The following CNTNAP4 variants were observed in gnomAD, a reference collection of about 807,000 sequenced individuals.
The protein encoded by CNTNAP4 is contactin associated protein family member 4.
CNTNAP4 carries 98 observed loss-of-function variants against 148.4 expected under a neutral mutation model. That is an observed-to-expected ratio of 0.66 (90% CI 0.56 to 0.78). CNTNAP4 has a LOEUF of 0.78. Among genes scored for constraint, CNTNAP4 ranks in the 30% least tolerant of loss-of-function variants. The pLI is 0.00. For missense variants in CNTNAP4, 1,935 were observed against 1,565.6 expected (o/e 1.24, Z -3.98); for synonymous variants, 730 against 565.1 (o/e 1.29, Z -4.14).
chr16:76,532,928 C>T (rs1022265936), intron 17 of CNTNAP4, among the ~76,000 whole-genome samples: 3 of 152,100 alleles, frequency 2.0e-5, no homozygotes, highest in African/African-American at 4.8e-5. Context: ...TCAAGAACGG[C>T]AGGTCCTCAA....
chr16:76,555,320 A>G (rs1321610389), intron 23 of CNTNAP4, among the ~76,000 whole-genome samples: 1 of 152,222 alleles, frequency 6.6e-6, no homozygotes, highest in African/African-American at 2.4e-5. Context: ...TATAAAAAAT[A>G]GGATTCCCAT....
In CNTNAP4 at chr16:76,553,303, G is replaced by T; in HGVS notation, c.3463G>T (p.Asp1155Tyr). ...TCTAGAACACAGTGATGTGGACCAG[G>T]ATACTGCACTGGCAGGTGCGCAGGG... ...RILEHSDVDQ[D>Y]TALAGAQGFT... The change falls in exon 22 of 24, where the codon GAT becomes TAT. Residue 1155 changes from aspartate (D) to tyrosine (Y), a missense_variant. By Grantham distance (160) the Asp-to-Tyr change is radical. Coordinates refer to ENST00000611870, the MANE Select transcript of CNTNAP4 (RefSeq NM_033401.5). 1 of 1,608,200 alleles carries T rather than the reference G, an allele frequency of 6.2e-7. No homozygotes were observed. Among genetic ancestry groups the T allele is most frequent in the Non-Finnish European group, 8.5e-7 (1 of 1,175,156 alleles).
At chr16:76,447,269 G>A (rs1170193974) in intron 4 of CNTNAP4, among the ~76,000 whole-genome samples, 1 of 151,644 alleles carries the variant, frequency 6.6e-6, no homozygotes, top group East Asian at 1.9e-4. Flanking sequence ...AAGATAGTGT[G>A]AGTACCACTG....
intron 2 of CNTNAP4, among the ~76,000 whole-genome samples, chr16:76,320,168 G>A (rs1962253950): frequency 6.6e-6 from 1 of 152,188 alleles, no homozygotes; most frequent in Non-Finnish European, 1.5e-5. Context: ...GGACATAGGA[G>A]GGAAAGCAAT....
At chr16:76,545,293 T>C (rs928535066) in intron 21 of CNTNAP4, among the ~76,000 whole-genome samples, 4 of 152,204 alleles carry the variant, frequency 2.6e-5, no homozygotes, top group Non-Finnish European at 2.9e-5. Flanking sequence ...CCATACTGTA[T>C]TGAGCTGGCC....
At chr16:76,299,912 T>C (rs763218170) in intron 1 of CNTNAP4, among the ~76,000 whole-genome samples, 6 of 151,700 alleles carry the variant, frequency 4.0e-5, no homozygotes, top group Non-Finnish European at 8.8e-5. Context: ...ACCAAACACC[T>C]CATGTTCTCA....
chr16:76,313,091 A>G (rs1167411119), intron 1 of CNTNAP4, among the ~76,000 whole-genome samples: 3 of 152,064 alleles, frequency 2.0e-5, no homozygotes, highest in African/African-American at 7.2e-5. Context: ...TCCATATTAC[A>G]TGTCTTTCTC....
chr16:76,501,587 T>C (rs1193791723), intron 15 of CNTNAP4, among the ~76,000 whole-genome samples: 1 of 152,074 alleles, frequency 6.6e-6, no homozygotes, highest in African/African-American at 2.4e-5. Context: ...ATCACATTGT[T>C]GGGGAGTGGG....
At chr16:76,437,682 G>A (rs1383879977) in intron 4 of CNTNAP4, among the ~76,000 whole-genome samples, 1 of 152,032 alleles carries the variant, frequency 6.6e-6, no homozygotes, top group African/African-American at 2.4e-5. Flanking sequence ...GAGGAAACAC[G>A]AACCATATCT....
intron 8 of CNTNAP4, among the ~76,000 whole-genome samples, chr16:76,459,516 T>A (rs8063054): frequency 0.08 from 12,137 of 152,234 alleles, 1,410 homozygotes; most frequent in African/African-American, 0.26. Flanking sequence ...TGTTAGACCA[T>A]ATATGTCCAG....
At chr16:76,414,195 T>C (rs773110901) in intron 3 of CNTNAP4, among the ~76,000 whole-genome samples, 7 of 151,396 alleles carry the variant, frequency 4.6e-5, no homozygotes, top group Non-Finnish European at 8.9e-5. Flanking sequence ...TTTTTACAGA[T>C]ACTCTTTGCA....
chr16:76,464,742 C>G (rs1024539169), intron 9 of CNTNAP4, among the ~76,000 whole-genome samples: 15 of 152,198 alleles, frequency 9.9e-5, no homozygotes, highest in Admixed American at 7.2e-4. Context: ...TGCTCCTGAA[C>G]TAGCAGCACT....
chr16:76,433,607 GA>G (rs1242209908), intron 4 of CNTNAP4, among the ~76,000 whole-genome samples: 1 of 152,120 alleles, frequency 6.6e-6, no homozygotes, highest in East Asian at 1.9e-4. Context: ...CCTGGGTGAG[GA>G]AAACAAAACA....
intron 2 of CNTNAP4, among the ~76,000 whole-genome samples, chr16:76,344,494 C>A (rs1240765848): frequency 6.6e-6 from 1 of 152,168 alleles, no homozygotes. Context: ...CATGCACATA[C>A]AGTGAGATAT....
rs561638983 is a variant in CNTNAP4, at chr16:76,548,668, C to G, written c.3443-4615C>G. 6.6e-5 allele frequency among the ~76,000 whole-genome samples: 10 copies of G among 151,960 alleles called. No individual in the cohort carries two copies. The East Asian group carries it at 1.8e-3, about 27-fold the overall frequency. On this transcript the variant is annotated intron_variant, in intron 21 of 23. Coordinates refer to ENST00000611870, the MANE Select transcript of CNTNAP4 (RefSeq NM_033401.5). ...GTTACTTTTTAACAGGCACAAACAC[C>G]CAGAAATCCGAGTCAGTTAAGGATT...
intron 3 of CNTNAP4, among the ~76,000 whole-genome samples, chr16:76,373,350 CATTCTT>C (rs2015066924): frequency 6.6e-6 from 1 of 151,604 alleles, no homozygotes; most frequent in African/African-American, 2.4e-5. Context: ...GTAAAAGAAA[CATTCTT>C]AGTCATAAAA....
chr16:76,547,571 G>C (rs1255607465), intron 21 of CNTNAP4, among the ~76,000 whole-genome samples: 1 of 152,186 alleles, frequency 6.6e-6, no homozygotes, highest in African/African-American at 2.4e-5. Context: ...ATCATTAATA[G>C]GGTGTGCTAC....
chr16:76,364,540 CA>C (rs975735811), intron 3 of CNTNAP4, among the ~76,000 whole-genome samples: 3 of 152,110 alleles, frequency 2.0e-5, no homozygotes, highest in Admixed American at 6.6e-5. Flanking sequence ...AATTCAATGA[CA>C]ACATCACTCC....
chr16:76,553,227 C>A, intron 21 of CNTNAP4, 56 bp from the exon 22 acceptor site: 2 of 1,051,460 alleles, frequency 1.9e-6, no homozygotes, highest in South Asian at 1.5e-5. Flanking sequence ...ATTTCTGCAT[C>A]ATCGCCTATT....
Sources: gnomAD v4.1 joint callset for allele counts (sites outside exome capture counted in the v4.1 genomes callset) on GRCh38, gnomAD v4.1.1 for gene constraint, MANE v1.5 for transcripts, NCBI Gene and HGNC (gene_info 2026-07-23, HGNC 2026-07-21) for gene names.